Variants in ZSWIM6 observed in about 807,000 individuals in gnomAD.
ZSWIM6 encodes the protein zinc finger SWIM domain-containing protein 6.
ZSWIM6 carries 9 observed loss-of-function variants against 113.2 expected under a neutral mutation model. That is an observed-to-expected ratio of 0.08 (90% CI 0.05 to 0.14). The LOEUF is 0.14. Among genes scored for constraint, ZSWIM6 ranks in the 10% least tolerant of loss-of-function variants. The pLI, the probability that ZSWIM6 is intolerant of heterozygous loss-of-function variation, is 1.00. For missense variants in ZSWIM6, 1,162 were observed against 1,552.2 expected (o/e 0.75, Z 4.22); for synonymous variants, 611 against 606.5 (o/e 1.01, Z -0.11).
chr5:61,379,385 C>T (rs765218586), intron 1 of ZSWIM6, among the ~76,000 whole-genome samples: 1 of 151,964 alleles, frequency 6.6e-6, no homozygotes, highest in Non-Finnish European at 1.5e-5. Flanking sequence ...TATTGCCTCT[C>T]TTTTCCTTTA....
At chr5:61,536,643 C>T (rs1580071155) in intron 10 of ZSWIM6, among the ~76,000 whole-genome samples, 1 of 152,282 alleles carries the variant, frequency 6.6e-6, no homozygotes, top group Middle Eastern at 3.4e-3. Flanking sequence ...CAAAGTTACC[C>T]TGTTCTGAAA....
chr5:61,414,178 AG>A (rs1464545573), intron 1 of ZSWIM6, among the ~76,000 whole-genome samples: 2 of 152,070 alleles, frequency 1.3e-5, no homozygotes, highest in African/African-American at 4.8e-5. Context: ...AGTGGAAGCA[AG>A]GTGTTCAGTG....
intron 5 of ZSWIM6, among the ~76,000 whole-genome samples, chr5:61,522,098 T>G (rs1422807879): frequency 4.0e-5 from 6 of 151,502 alleles, no homozygotes; most frequent in Non-Finnish European, 5.9e-5. Context: ...TGTTTGTTTT[T>G]TTTTGTTTTT....
intron 1 of ZSWIM6, among the ~76,000 whole-genome samples, chr5:61,374,288 G>A (rs1036237583): frequency 6.6e-6 from 1 of 152,102 alleles, no homozygotes; most frequent in African/African-American, 2.4e-5. Flanking sequence ...ACATATGGCC[G>A]CCATAGAATT....
chr5:61,449,058 G>A (rs570366176), intron 1 of ZSWIM6, among the ~76,000 whole-genome samples: 1 of 152,164 alleles, frequency 6.6e-6, no homozygotes, highest in African/African-American at 2.4e-5. Flanking sequence ...TACAATTCCT[G>A]TTGGGCATTT....
chr5:61,356,674 A>G (rs932736909), intron 1 of ZSWIM6, among the ~76,000 whole-genome samples: 5 of 143,010 alleles, frequency 3.5e-5, no homozygotes, highest in African/African-American at 1.3e-4. Context: ...TATAATATAT[A>G]TAACATAATA....
At chr5:61,407,764 A>T (rs894081589) in intron 1 of ZSWIM6, among the ~76,000 whole-genome samples, 1 of 152,230 alleles carries the variant, frequency 6.6e-6, no homozygotes, top group African/African-American at 2.4e-5. Flanking sequence ...AAAAATGTAA[A>T]TTAAGACTAC....
chr5:61,420,491 A>ATTTTT (rs35661776), intron 1 of ZSWIM6, among the ~76,000 whole-genome samples: 1 of 148,542 alleles, frequency 6.7e-6, no homozygotes, highest in Non-Finnish European at 1.5e-5. Context: ...CCAGAACACA[A>ATTTTT]TTTTTTTTTT....
At chr5:61,465,889 T>G (rs1747423732) in intron 1 of ZSWIM6, among the ~76,000 whole-genome samples, 1 of 152,202 alleles carries the variant, frequency 6.6e-6, no homozygotes, top group Admixed American at 6.5e-5. Context: ...ACTTCATTAG[T>G]GATTGCCGGC....
chr5:61,461,927 G>A (rs1170942554), intron 1 of ZSWIM6, among the ~76,000 whole-genome samples: 5 of 152,050 alleles, frequency 3.3e-5, no homozygotes, highest in African/African-American at 7.2e-5. Context: ...TCATCATTAT[G>A]TATTTAAGAA....
At chr5:61,418,301 T>C (rs896653599) in intron 1 of ZSWIM6, among the ~76,000 whole-genome samples, 1 of 152,176 alleles carries the variant, frequency 6.6e-6, no homozygotes, top group African/African-American at 2.4e-5. Context: ...GAAATCTTGC[T>C]CTGTCGCCCA....
chr5:61,506,886 G>A (rs939128843), intron 4 of ZSWIM6, among the ~76,000 whole-genome samples: 11 of 152,260 alleles, frequency 7.2e-5, no homozygotes, highest in South Asian at 2.1e-4. Context: ...TTTAATAGCC[G>A]TGGAAGCCTG....
intron 1 of ZSWIM6, among the ~76,000 whole-genome samples, chr5:61,414,394 G>C (rs952309035): frequency 6.6e-6 from 1 of 152,150 alleles, no homozygotes; most frequent in African/African-American, 2.4e-5. Flanking sequence ...AGGGGGAAAA[G>C]AACAGTTTTG....
intron 13 of ZSWIM6, 59 bp downstream of exon 13, chr5:61,542,024 C>A: frequency 1.4e-6 from 2 of 1,414,104 alleles, no homozygotes; most frequent in South Asian, 2.5e-5. Context: ...TTTAACTTGT[C>A]AGTTACAGAC....
chr5:61,393,293 G>A (rs1052352923), intron 1 of ZSWIM6, among the ~76,000 whole-genome samples: 3 of 151,022 alleles, frequency 2.0e-5, no homozygotes, highest in Admixed American at 6.6e-5. Flanking sequence ...TGATCCACCC[G>A]CCTCAGCCTC....
chr5:61,391,616 C>T (rs1259625024), intron 1 of ZSWIM6: 1 of 914,970 alleles, frequency 1.1e-6, no homozygotes, highest in African/African-American at 1.6e-5. Flanking sequence ...ATGGCCACAA[C>T]CACCATGGGT....
chr5:61,347,985 G>T (rs1213957525), intron 1 of ZSWIM6, among the ~76,000 whole-genome samples: 2 of 152,204 alleles, frequency 1.3e-5, no homozygotes, highest in Admixed American at 6.5e-5. Flanking sequence ...ACTTTGGGAG[G>T]CTGAGGCGGG....
chr5:61,488,109 T>G (rs1748070985), intron 2 of ZSWIM6, among the ~76,000 whole-genome samples: 1 of 152,046 alleles, frequency 6.6e-6, no homozygotes, highest in African/African-American at 2.4e-5. Flanking sequence ...TACAAATGGT[T>G]TTTCTGTCTA....
At chr5:61,344,900 A>G (rs1393444933) in intron 1 of ZSWIM6, among the ~76,000 whole-genome samples, 1 of 152,230 alleles carries the variant, frequency 6.6e-6, no homozygotes, top group African/African-American at 2.4e-5. Context: ...ATTTTTTCTG[A>G]AATAGGATGT....
Sources: gnomAD v4.1 joint callset for allele counts (sites outside exome capture counted in the v4.1 genomes callset) on GRCh38, gnomAD v4.1.1 for gene constraint, MANE v1.5 for transcripts, NCBI Gene and HGNC (gene_info 2026-07-23, HGNC 2026-07-21) for gene names.